LARP1: variants seen among roughly 807,000 people sequenced by gnomAD.
LARP1 encodes the protein la-related protein 1.
Under a neutral mutation model 122.7 loss-of-function variants are expected in LARP1, and 36 were observed. The observed-to-expected ratio is 0.29, with a 90% CI of 0.22 to 0.39. The LOEUF is 0.39. LARP1 is among the 10% of genes least tolerant of loss of function. The pLI, the probability that LARP1 is intolerant of heterozygous loss-of-function variation, is 1.00. For synonymous variants in LARP1, 539 were observed against 528.7 expected, an observed-to-expected ratio of 1.02 and a Z score of -0.27; for missense variants, 1,040 against 1,403.6, an observed-to-expected ratio of 0.74 and a Z score of 4.14.
intron 1 of LARP1, among the ~76,000 whole-genome samples, chr5:154,715,261 T>G (rs1347776122): frequency 1.7e-5 from 2 of 117,998 alleles, no homozygotes; most frequent in Non-Finnish European, 3.5e-5. Context: ...GGGGCAAGCC[T>G]CTCTTTTTTT....
chr5:154,816,699 C>T lies in LARP1; in HGVS notation c.*2603C>T, dbSNP rs1759692259. On this transcript the variant is annotated 3_prime_UTR_variant, in exon 19 of 19. Coordinates refer to ENST00000518297, the MANE Select transcript of LARP1 (RefSeq NM_033551.3). The stretch of plus-strand genomic sequence containing the variant: ...GGCCATCAGGGCTAACCACTTCACA[C>T]CTACCATCGTCCCATGGGGATCCAA... 1 of 152,606 alleles carries T rather than the reference C, an allele frequency of 6.6e-6. No homozygotes were observed. Among genetic ancestry groups the T allele is most frequent in the Non-Finnish European group, 1.5e-5 (1 of 68,100 alleles). 9.5% of individuals were successfully genotyped at this position (152,606 alleles called of 1,614,324 possible).
intron 1 of LARP1, among the ~76,000 whole-genome samples, chr5:154,774,253 G>A (rs1755677859): frequency 1.3e-5 from 2 of 151,940 alleles, no homozygotes; most frequent in Admixed American, 1.3e-4. Context: ...TTAAAGACTG[G>A]ATGGAGTTTA....
At chr5:154,813,841 C>G (rs182688480) in intron 18 of LARP1, 46 bp from the exon 19 acceptor site, 1 of 1,532,140 alleles carries the variant, frequency 6.5e-7, no homozygotes, top group South Asian at 1.1e-5. Context: ...AGGAAGAGGG[C>G]GTAGATAGTG....
At chr5:154,693,256 GC>G (rs1346043042) in intron 1 of LARP1, among the ~76,000 whole-genome samples, 1 of 152,002 alleles carries the variant, frequency 6.6e-6, no homozygotes, top group Non-Finnish European at 1.5e-5. Flanking sequence ...TCCCACCTCA[GC>G]CTCCTAAGTA....
In LARP1 at chr5:154,755,473, G is replaced by A. The variant is rs1310008978; in HGVS notation, c.-285G>A. On this transcript the variant is annotated 5_prime_UTR_variant, in exon 1 of 19. Coordinates refer to ENST00000518297, the MANE Select transcript of LARP1 (RefSeq NM_033551.3). ...ACTAGAAGCCTGCCGGGCTCGGGGT[G>A]GGGGCGTCTTGCGAGGAACGGGCGG... 1 of 870,876 alleles carries A rather than the reference G, an allele frequency of 1.1e-6. No homozygotes were observed. Among genetic ancestry groups the A allele is most frequent in the Non-Finnish European group, 1.4e-6 (1 of 724,336 alleles). The allele number at this position is 870,876 out of a possible 1,614,324, so 53.9% of individuals were successfully genotyped here.
chr5:154,782,555 T>C (rs1461339287), intron 1 of LARP1, among the ~76,000 whole-genome samples: 1 of 152,128 alleles, frequency 6.6e-6, no homozygotes, highest in Non-Finnish European at 1.5e-5. Context: ...ATCATGTGAC[T>C]GGAGCCTGGC....
chr5:154,684,250 C>T (rs185519853), intron 1 of LARP1, among the ~76,000 whole-genome samples: 1 of 152,152 alleles, frequency 6.6e-6, no homozygotes, highest in African/African-American at 2.4e-5. Context: ...TTGAGACCAG[C>T]CTGGGCAACA....
At chr5:154,788,659 G>T (rs115380213) in intron 1 of LARP1, among the ~76,000 whole-genome samples, 1,675 of 152,056 alleles carry the variant, frequency 0.011, 23 homozygotes, top group Middle Eastern at 0.024. Flanking sequence ...GGAGGAAGGG[G>T]CACAGAAATT....
At chr5:154,809,751 G>GTGCAGTGGTGC (rs1377762651) in intron 16 of LARP1, among the ~76,000 whole-genome samples, 1 of 146,300 alleles carries the variant, frequency 6.8e-6, no homozygotes, top group Non-Finnish European at 1.5e-5. Flanking sequence ...CCAGGCTGGA[G>GTGCAGTGGTGC]TGCAGTGGTG....
chr5:154,770,840 C>T (rs145813633), intron 1 of LARP1, among the ~76,000 whole-genome samples: 1,932 of 152,074 alleles, frequency 0.013, 169 homozygotes, highest in Admixed American at 0.12. Flanking sequence ...TGGCCGGGCA[C>T]GGTGGCTCAT....
chr5:154,691,727 G>A (rs1381246670), intron 1 of LARP1, among the ~76,000 whole-genome samples: 1 of 151,790 alleles, frequency 6.6e-6, no homozygotes, highest in South Asian at 2.1e-4. Context: ...AGCGCTCCTC[G>A]GCAGCCCTCG....
chr5:154,694,601 GTATTAGATGA>G (rs1161107682), intron 1 of LARP1, among the ~76,000 whole-genome samples: 2 of 152,110 alleles, frequency 1.3e-5, no homozygotes, highest in Admixed American at 1.3e-4. Context: ...TATGAACTTG[GTATTAGATGA>G]TATAAGAAAA....
At chr5:154,796,124 T>C (rs1454978684) in intron 8 of LARP1, among the ~76,000 whole-genome samples, 5 of 125,522 alleles carry the variant, frequency 4.0e-5, no homozygotes, top group Non-Finnish European at 6.3e-5. Context: ...ATATATATTA[T>C]ATATATTTTA....
At chr5:154,683,518 G>T (rs985056983) in intron 1 of LARP1, among the ~76,000 whole-genome samples, 3 of 152,122 alleles carry the variant, frequency 2.0e-5, no homozygotes, top group African/African-American at 7.2e-5. Context: ...TCAGGGCATT[G>T]CACCCTCCCT....
rs1041238681 is a variant in LARP1, at chr5:154,787,105, C to T, written c.437-3220C>T. 5.9e-5 allele frequency among the ~76,000 whole-genome samples: 9 copies of T among 152,106 alleles called. No homozygotes were observed. The South Asian group carries it at 1.0e-3, about 17-fold the overall frequency. ...TGTTGCTCAGGCTGGTCTCAAACTC[C>T]GAACCTCAGGTGATCCACCCACCTC... On this transcript the variant is annotated intron_variant, in intron 1 of 18. Transcript: ENST00000518297.
chr5:154,757,523 C>T (rs986136958), intron 1 of LARP1, among the ~76,000 whole-genome samples: 3 of 151,882 alleles, frequency 2.0e-5, no homozygotes, highest in Non-Finnish European at 4.4e-5. Context: ...GGAATGATGG[C>T]CTCTGGTCGT....
At chr5:154,776,347 G>T (rs768707039) in intron 1 of LARP1, among the ~76,000 whole-genome samples, 1 of 152,180 alleles carries the variant, frequency 6.6e-6, no homozygotes, top group Non-Finnish European at 1.5e-5. Context: ...CCTCATATCT[G>T]TCAGGACACT....
intron 1 of LARP1, among the ~76,000 whole-genome samples, chr5:154,782,627 T>C (rs1190645810): frequency 6.6e-6 from 1 of 152,154 alleles, no homozygotes; most frequent in Non-Finnish European, 1.5e-5. Flanking sequence ...AGCTGACTGG[T>C]GGTCTGCAGC....
At chr5:154,759,194 T>C (rs1754247097) in intron 1 of LARP1, among the ~76,000 whole-genome samples, 1 of 152,168 alleles carries the variant, frequency 6.6e-6, no homozygotes, top group Non-Finnish European at 1.5e-5. Flanking sequence ...CTCATGGGGG[T>C]ATTACCAGCA....
Sources: allele counts gnomAD v4.1 joint callset (sites outside exome capture counted in the v4.1 genomes callset), GRCh38; gene constraint gnomAD v4.1.1; transcripts MANE v1.5; gene names NCBI Gene and HGNC (gene_info 2026-07-23, HGNC 2026-07-21).